ACOX2: variants seen among roughly 807,000 people sequenced by gnomAD.
The protein encoded by ACOX2 is peroxisomal acyl-coenzyme A oxidase 2.
A neutral mutation model predicts 77.5 loss-of-function variants in ACOX2; 59 were observed. The observed-to-expected ratio is 0.76, with a 90% CI of 0.62 to 0.95. The LOEUF (loss-of-function observed/expected upper bound fraction) is 0.95. Ranked by LOEUF, ACOX2 falls within the 40% of genes least tolerant of loss-of-function variation. ACOX2 has a pLI of 0.00. For synonymous variants in ACOX2, 317 were observed against 340.1 expected (o/e 0.93, Z 0.75); for missense variants, 837 against 880.4 (o/e 0.95, Z 0.62).
intron 12 of ACOX2, 76 bp from the exon 13 acceptor site, chr3:58,517,499 T>C: frequency 1.4e-6 from 2 of 1,433,902 alleles, no homozygotes; most frequent in Non-Finnish European, 1.9e-6. Context: ...CATGGCAAGA[T>C]GGCTGGAATA....
chr3:58,507,087 C>T (rs900589473), intron 14 of ACOX2, among the ~76,000 whole-genome samples: 3 of 152,222 alleles, frequency 2.0e-5, no homozygotes, highest in Non-Finnish European at 2.9e-5. Flanking sequence ...CCCAAATTAT[C>T]ATGCGTGAAA....
intron 13 of ACOX2, 65 bp downstream of exon 13, chr3:58,517,141 A>G: frequency 6.4e-7 from 1 of 1,563,286 alleles, no homozygotes; most frequent in South Asian, 1.1e-5. Flanking sequence ...GTTGGAAGTG[A>G]CCTGTGAACA....
Position 58,522,660 on chromosome 3 carries a change from G to C in ACOX2, c.1527-59C>G. 1 of 1,445,484 alleles carries C rather than the reference G, an allele frequency of 6.9e-7. No homozygotes were observed. The highest frequency in any genetic ancestry group is 9.7e-7 in the Non-Finnish European group (1 of 1,027,206). The allele number at this position is 1,445,484 out of a possible 1,614,324, so 89.5% of individuals were successfully genotyped here. A position where few individuals can be genotyped will look rare whatever the true frequency, so the allele number is the denominator to read the frequency against. ...GACTGAGTGGAAAAGACAACTGATG[G>C]GCTTCCTGTGGTCCCTCAGAAGTAG... On this transcript the variant is annotated intron_variant, in intron 11 of 14. Coordinates refer to ENST00000302819, the MANE Select transcript of ACOX2 (RefSeq NM_003500.4). This position sits in a 1 kb window ranked among gnomAD's most constrained non-coding sequence, Gnocchi z 4.3.
intron 5 of ACOX2, among the ~76,000 whole-genome samples, chr3:58,532,288 T>C (rs1420343554): frequency 6.6e-6 from 1 of 152,182 alleles, no homozygotes; most frequent in Non-Finnish European, 1.5e-5. Context: ...GGCTGGTTTC[T>C]TTTGTCTTCA....
rs2063254306 is a variant in ACOX2 at position 58,508,895 on chromosome 3, G to A, written c.1981C>T (p.Gln661Ter). The change falls in exon 14 of 15, where the codon CAG becomes TAG. Residue 661 changes from glutamine to a stop codon, truncating the protein, a stop_gained and splice_region_variant. Transcript: ENST00000302819. LOFTEE classifies it high-confidence loss of function. The stretch of plus-strand genomic sequence containing the variant: ...TATAATGTGTTCCACTCAACTACCT[G>A]AGTATTGGTTGGTGACTTCTGAGCC... ...QWAQKSPTNT[Q>*]ENPAYEEYIR... 23 of 1,614,156 alleles carry A rather than the reference G, an allele frequency of 1.4e-5. No individual in the cohort carries two copies. The highest frequency in any genetic ancestry group is 2.2e-5 in the East Asian group (1 of 44,878).
Position 58,512,332 on chromosome 3 carries a change from T to G in ACOX2, c.1851-3307A>C, listed in dbSNP as rs1185900654. Among the ~76,000 whole-genome samples, 1 of 152,196 alleles carries G rather than the reference T, an allele frequency of 6.6e-6. No individual in the cohort carries two copies. The highest frequency in any genetic ancestry group is 1.9e-4 in the East Asian group (1 of 5,196). ...CCACCACCTCCAGCACTGTCACTGC[T>G]CCAATCCACTATCATCACTCACTTG... On this transcript the variant is annotated intron_variant, in intron 13 of 14. Coordinates refer to ENST00000302819, the MANE Select transcript of ACOX2 (RefSeq NM_003500.4). This position sits in a 1 kb window ranked among gnomAD's most constrained non-coding sequence, Gnocchi z 4.8.
Position 58,508,987 on chromosome 3 carries a change from G to T in ACOX2, c.1889C>A (p.Thr630Asn). The part of the protein sequence containing the change: ...AILLTDAFDF[T>N]DQCLNSALGC... The stretch of plus-strand genomic sequence containing the variant: ...AAGTGCTGAATTTAAACACTGATCG[G>T]TGAAGTCAAAAGCATCAGTTAACAG... The change falls in exon 14 of 15, where the codon ACC (threonine) becomes AAC (asparagine). Residue 630 changes from threonine (T) to asparagine (N), a missense_variant. By Grantham distance (65) the Thr-to-Asn change is moderately conservative. Coordinates refer to ENST00000302819, the MANE Select transcript of ACOX2 (RefSeq NM_003500.4). 6.2e-7 allele frequency: 1 copy of T among 1,614,104 alleles called. No individual in the cohort carries two copies. Among genetic ancestry groups the T allele is most frequent in the Non-Finnish European group, 8.5e-7 (1 of 1,179,970 alleles).
In ACOX2 at chr3:58,516,826, G is replaced by A. The variant is rs556054952; in HGVS notation, c.1850+380C>T. On this transcript the variant is annotated intron_variant, in intron 13 of 14. Coordinates refer to ENST00000302819, the MANE Select transcript of ACOX2 (RefSeq NM_003500.4). ...CACTTTAGCCTGGGTGACAGAGCCA[G>A]TCCCTGTCTAAAAAAAAAGAAAAGA... Among the ~76,000 whole-genome samples the A allele has an allele frequency of 1.2e-4, 18 of 152,010 alleles. No individual in the cohort carries two copies. In the South Asian group the frequency reaches 3.5e-3, roughly 30 times the overall value.
At chr3:58,510,289 A>G (rs1267768308) in intron 13 of ACOX2, among the ~76,000 whole-genome samples, 1 of 151,936 alleles carries the variant, frequency 6.6e-6, no homozygotes, top group Non-Finnish European at 1.5e-5. Flanking sequence ...TTGTGGTCTC[A>G]CTTCATTCCT....
intron 13 of ACOX2, 98 bp downstream of exon 13, chr3:58,517,108 C>T: frequency 7.7e-7 from 1 of 1,293,228 alleles, no homozygotes; most frequent in South Asian, 1.3e-5. Flanking sequence ...TGTTGCTGCT[C>T]TGCCCATTAG....
At chr3:58,536,580 C>T (rs766822667) in intron 1 of ACOX2, among the ~76,000 whole-genome samples, 8 of 152,152 alleles carry the variant, frequency 5.3e-5, no homozygotes, top group Non-Finnish European at 1.0e-4. Flanking sequence ...GCCCCTAGTG[C>T]GGCTCCTCTC....
At chr3:58,510,335 A>G (rs1439923117) in intron 13 of ACOX2, among the ~76,000 whole-genome samples, 1 of 151,868 alleles carries the variant, frequency 6.6e-6, no homozygotes, top group East Asian at 1.9e-4. Flanking sequence ...TTACTCTCTC[A>G]AAAATACATT....
chr3:58,508,801 C>A, intron 14 of ACOX2, 92 bp downstream of exon 14: 4 of 1,509,278 alleles, frequency 2.7e-6, no homozygotes, highest in Non-Finnish European at 2.7e-6. Context: ...GCCAACCTAA[C>A]GGGAATCAAT....
Position 58,522,809 on chromosome 3 carries a change from G to T in ACOX2, c.1527-208C>A. ...GCAATGGGGAAAACTGAGTCCCAGA[G>T]AGGTTAACCAATTTGTCCAGGGTCA... On this transcript the variant is annotated intron_variant, in intron 11 of 14. Coordinates refer to ENST00000302819, the MANE Select transcript of ACOX2 (RefSeq NM_003500.4). This position sits in a 1 kb window ranked among gnomAD's most constrained non-coding sequence, Gnocchi z 4.3. The T allele has an allele frequency of 1.9e-6, 1 of 520,630 alleles. No individual in the cohort carries two copies. The highest frequency in any genetic ancestry group is 3.5e-6 in the Non-Finnish European group (1 of 288,472). 32.3% of individuals were successfully genotyped at this position (520,630 alleles called of 1,614,324 possible).
In ACOX2 at chr3:58,531,932, T is replaced by C. The variant is rs2063443436; in HGVS notation, c.584-120A>G. 7.2e-7 allele frequency: 1 copy of C among 1,385,452 alleles called. No homozygotes were observed. Among genetic ancestry groups the C allele is most frequent in the East Asian group, 2.6e-5 (1 of 38,972 alleles). The allele number at this position is 1,385,452 out of a possible 1,614,324, so 85.8% of individuals were successfully genotyped here. A position where few individuals can be genotyped will look rare whatever the true frequency, so the allele number is the denominator to read the frequency against. On this transcript the variant is annotated intron_variant, in intron 5 of 14. Coordinates refer to ENST00000302819, the MANE Select transcript of ACOX2 (RefSeq NM_003500.4). The surrounding 1 kb of genome is among the most constrained non-coding windows in gnomAD (Gnocchi z 5.8). ...TACCTCTGGGGCCCTGAAAAGTCAC[T>C]GATCAAAGAGAGAGGGGATTGCCCC...
At chr3:58,510,695 TATATATATATATATACACAC>T (rs1386171186) in intron 13 of ACOX2, among the ~76,000 whole-genome samples, 1,140 of 9,392 alleles carry the variant, frequency 0.12, 277 homozygotes, top group Non-Finnish European at 0.16. Context: ...TATATATATA[TATATATATATATATACACAC>T]ACACACACAC....
In ACOX2 at chr3:58,530,609, G is replaced by T. The variant is rs997701197; in HGVS notation, c.849C>A (p.Leu283=). 3 of 1,614,138 alleles carry T rather than the reference G, an allele frequency of 1.9e-6. No homozygotes were observed. The highest frequency in any genetic ancestry group is 2.5e-6 in the Non-Finnish European group (3 of 1,179,990). ...QVLPDGTYVK[L]GTAQSNYLPM... ...GAAGGTAGTTGCTCTGTGCTGTACC[G>T]AGTTTGACGTAGGTGCCATCTGGCA... Residue 283 remains leucine (L), a synonymous_variant, in exon 8 of 15, where the codon CTC becomes CTA. Transcript: ENST00000302819.
rs2063306870 is a variant in ACOX2 at position 58,514,267 on chromosome 3, C to T, written c.1850+2939G>A. Among the ~76,000 whole-genome samples the T allele has an allele frequency of 6.6e-6, 1 of 152,206 alleles. No individual in the cohort carries two copies. On this transcript the variant is annotated intron_variant, in intron 13 of 14. Transcript: ENST00000302819. The surrounding 1 kb of genome is among the most constrained non-coding windows in gnomAD (Gnocchi z 4.3). ...AGCAGCCTGGACAACACAGAGACAACATCTCTTTCTCTTTGTGGGTTTATG... is the reference window on the plus strand; with the variant it reads ...AGCAGCCTGGACAACACAGAGACAATATCTCTTTCTCTTTGTGGGTTTATG...
chr3:58,535,204 G>A lies in ACOX2; in HGVS notation c.-91-7C>T. On this transcript the variant is annotated splice_region_variant and splice_polypyrimidine_tract_variant and intron_variant, in intron 1 of 14. Transcript: ENST00000302819. This position sits in a 1 kb window ranked among gnomAD's most constrained non-coding sequence, Gnocchi z 4.8. ...ATTGGTCAGTGCAAAGAACCTGTGT[G>A]CAAGAGGAACTGCCTAGGGCTGGGT... The A allele has an allele frequency of 6.7e-7, 1 of 1,502,190 alleles. No homozygotes were observed. The highest frequency in any genetic ancestry group is 1.2e-5 in the South Asian group (1 of 84,280). The allele number at this position is 1,502,190 out of a possible 1,614,324, so 93.1% of individuals were successfully genotyped here. A position where few individuals can be genotyped will look rare whatever the true frequency, so the allele number is the denominator to read the frequency against.
Sources: allele counts gnomAD v4.1 joint callset (sites outside exome capture counted in the v4.1 genomes callset), GRCh38; gene constraint gnomAD v4.1.1; non-coding constraint Gnocchi (gnomAD v3.1); transcripts MANE v1.5; gene names NCBI Gene and HGNC (gene_info 2026-07-23, HGNC 2026-07-21).